SPTAN1: variants seen among roughly 807,000 people sequenced by gnomAD.
The protein encoded by SPTAN1 is spectrin alpha, non-erythrocytic 1, also known as spectrin alpha chain, non-erythrocytic 1.
In SPTAN1, 61 loss-of-function variants were observed where a neutral mutation model predicts 331.3. The observed-to-expected ratio is 0.18, with a 90% CI of 0.15 to 0.23. SPTAN1 has a LOEUF of 0.23. SPTAN1 is among the 10% of genes least tolerant of loss of function. The pLI, the probability that SPTAN1 is intolerant of heterozygous loss-of-function variation, is 1.00. For missense variants in SPTAN1, 2,043 were observed against 3,147.9 expected (o/e 0.65, Z 8.40); for synonymous variants, 1,153 against 1,173.9 (o/e 0.98, Z 0.36).
rs185728615 is a variant in SPTAN1 at position 128,628,053 on chromosome 9, G to A, written c.6707+111G>A. On this transcript the variant is annotated intron_variant, in intron 51 of 56. Coordinates refer to ENST00000372739, the MANE Select transcript of SPTAN1 (RefSeq NM_001130438.3). ...CGGGATGGGCCTTCCTGCCCAGGGC[G>A]GGCTGCACTTCCCCTCCCACCCTTC... The A allele has an allele frequency of 8.7e-4, 1,169 of 1,342,818 alleles. 3 individuals are homozygous for A. The highest frequency in any genetic ancestry group is 1.8e-3 in the South Asian group (156 of 85,506). 83.2% of individuals were successfully genotyped at this position (1,342,818 alleles called of 1,614,324 possible). A position where few individuals can be genotyped will look rare whatever the true frequency, so the allele number is the denominator to read the frequency against.
intron 1 of SPTAN1, among the ~76,000 whole-genome samples, chr9:128,562,844 G>A (rs990935950): frequency 3.3e-5 from 5 of 151,494 alleles, no homozygotes; most frequent in African/African-American, 4.8e-5. Context: ...AGGCGCCTGT[G>A]GTCCCAGCTA....
intron 26 of SPTAN1, 121 bp downstream of exon 26, chr9:128,599,107 G>T (rs1288942782): frequency 1.8e-5 from 18 of 976,462 alleles, no homozygotes. Context: ...TGCCTTTTGT[G>T]TGTAAAGATT....
chr9:128,568,567 G>A (rs1306773338), intron 2 of SPTAN1, among the ~76,000 whole-genome samples: 1 of 152,146 alleles, frequency 6.6e-6, no homozygotes, highest in African/African-American at 2.4e-5. Flanking sequence ...GATGGCCCTC[G>A]CTGGCCAGGC....
chr9:128,576,796 A>G (rs766045686), intron 5 of SPTAN1, 27 bp from the exon 6 acceptor site: 1 of 1,612,676 alleles, frequency 6.2e-7, no homozygotes, highest in South Asian at 1.1e-5. Flanking sequence ...TTGTGTACAA[A>G]TCCAGTCTCT....
intron 44 of SPTAN1, among the ~76,000 whole-genome samples, chr9:128,620,286 C>A (rs1488720762): frequency 6.6e-6 from 1 of 152,210 alleles, no homozygotes; most frequent in Non-Finnish European, 1.5e-5. Flanking sequence ...ACCTTCCTCA[C>A]CATGGGAAGC....
chr9:128,630,389 G>A lies in SPTAN1; in HGVS notation c.6762+14G>A. On this transcript the variant is annotated intron_variant, in intron 52 of 56. Transcript: ENST00000372739. ...GAAGCTACCAAAGTAAGTGCCCGTG[G>A]GGCTCTGGCCCAGCAGAGACCCTTC... 6.2e-7 allele frequency: 1 copy of A among 1,612,052 alleles called. No individual in the cohort carries two copies. Among genetic ancestry groups the A allele is most frequent in the Non-Finnish European group, 8.5e-7 (1 of 1,179,938 alleles).
At chr9:128,583,652 C>A (rs1010991561) in intron 15 of SPTAN1, 136 bp from the exon 16 acceptor site, 3 of 957,758 alleles carry the variant, frequency 3.1e-6, no homozygotes, top group African/African-American at 3.3e-5. Flanking sequence ...TTGATATTTT[C>A]TTTCTCTTTG....
At position 128,575,356 on chromosome 9, in the gene SPTAN1, A is replaced by G. The variant is rs753385129; in HGVS notation, c.651+11A>G. ...GCCAAACTCATACAGGTAAATAGCAAAGTGCTGTATGCTTCTCACAACATT... is the reference window on the plus strand; with the variant it reads ...GCCAAACTCATACAGGTAAATAGCAGAGTGCTGTATGCTTCTCACAACATT... On this transcript the variant is annotated intron_variant, in intron 5 of 56. Transcript: ENST00000372739. 3.7e-6 allele frequency: 6 copies of G among 1,609,244 alleles called. No homozygotes were observed. In the African/African-American group the frequency reaches 4.0e-5, roughly 11 times the overall value.
chr9:128,577,182 C>T lies in SPTAN1; in HGVS notation c.839C>T (p.Ser280Phe). 1.2e-6 allele frequency: 2 copies of T among 1,614,206 alleles called. No homozygotes were observed. The highest frequency in any genetic ancestry group is 8.5e-7 in the Non-Finnish European group (1 of 1,180,044). The change falls in exon 7 of 57, where the codon TCT (serine) becomes TTT (phenylalanine). Residue 280 changes from serine (S) to phenylalanine (F), a missense_variant. Coordinates refer to ENST00000372739, the MANE Select transcript of SPTAN1 (RefSeq NM_001130438.3). The surrounding 1 kb of genome is among the most constrained non-coding windows in gnomAD (Gnocchi z 4.2). ...WIKEKEQLMA[S>F]DDFGRDLASV... Reference sequence around the variant, plus strand: ...AAGGAAAAGGAGCAGTTAATGGCCTCTGATGATTTTGGCCGAGACCTGGCA... The same window carrying T: ...AAGGAAAAGGAGCAGTTAATGGCCTTTGATGATTTTGGCCGAGACCTGGCA...
chr9:128,558,488 G>C (rs974057239), intron 1 of SPTAN1, among the ~76,000 whole-genome samples: 6 of 152,220 alleles, frequency 3.9e-5, no homozygotes, highest in Admixed American at 1.3e-4. Context: ...ATCAGAGACA[G>C]TTGGCTCCTT....
In SPTAN1 at chr9:128,611,975, A is replaced by T; in HGVS notation, c.4905+130A>T. 13 of 1,600,742 alleles carry T rather than the reference A, an allele frequency of 8.1e-6. No individual in the cohort carries two copies. The South Asian group carries it at 1.4e-4, about 18-fold the overall frequency. On this transcript the variant is annotated intron_variant, in intron 38 of 56. Transcript: ENST00000372739. ...TAGAAGACTTTAGGCTGAATTACAG[A>T]TGGGGAATGCTAGTGAGAATGGCTC...
At chr9:128,618,836 T>C in intron 43 of SPTAN1, 35 bp from the exon 44 acceptor site, 1 of 1,614,056 alleles carries the variant, frequency 6.2e-7, no homozygotes, top group East Asian at 2.2e-5. Flanking sequence ...CTGGAGGAGA[T>C]TATGGCTGAT....
At chr9:128,557,522 A>G (rs1301243705) in intron 1 of SPTAN1, among the ~76,000 whole-genome samples, 1 of 152,062 alleles carries the variant, frequency 6.6e-6, no homozygotes, top group East Asian at 1.9e-4. Context: ...AGATAGAGCT[A>G]TATATCCCAT....
chr9:128,607,309 A>T (rs1384235713), intron 31 of SPTAN1, among the ~76,000 whole-genome samples: 1 of 152,076 alleles, frequency 6.6e-6, no homozygotes, highest in Non-Finnish European at 1.5e-5. Flanking sequence ...TGGCCAACAA[A>T]AGCTTTTTCA....
intron 21 of SPTAN1, among the ~76,000 whole-genome samples, chr9:128,591,256 C>T (rs192148384): frequency 2.9e-4 from 44 of 151,748 alleles, no homozygotes; most frequent in East Asian, 2.0e-4. Context: ...TTAGTAGAGA[C>T]GGGGTTTCAC....
In SPTAN1 at chr9:128,605,298, A is replaced by C. The variant is rs1309964396; in HGVS notation, c.3867A>C (p.Val1289=). The change falls in exon 31 of 57, where the codon GTA becomes GTC. Residue 1289 remains valine, a splice_region_variant and synonymous_variant. Transcript: ENST00000372739. ...ERDLAALGDK[V]NSLGETAERL... is the part of the protein sequence containing the mutation. ...CATTCACCACTTTCTTCCCATAGGTAAACTCCCTTGGTGAAACAGCAGAGC... is the reference window on the plus strand; with the variant it reads ...CATTCACCACTTTCTTCCCATAGGTCAACTCCCTTGGTGAAACAGCAGAGC... 3 of 1,614,082 alleles carry C rather than the reference A, an allele frequency of 1.9e-6. No individual in the cohort carries two copies. Among genetic ancestry groups the C allele is most frequent in the Admixed American group, 1.7e-5 (1 of 60,000 alleles).
intron 24 of SPTAN1, among the ~76,000 whole-genome samples, chr9:128,594,657 C>A (rs1284113737): frequency 6.6e-6 from 1 of 151,720 alleles, no homozygotes; most frequent in Non-Finnish European, 1.5e-5. Context: ...GTCTCAAACT[C>A]CTGACCTCAG....
intron 31 of SPTAN1, among the ~76,000 whole-genome samples, chr9:128,605,995 A>C (rs1175363282): frequency 2.5e-4 from 38 of 149,362 alleles, no homozygotes; most frequent in Non-Finnish European, 5.1e-4. Context: ...TCCATCTCAA[A>C]AAAAAAAAAA....
Position 128,627,698 on chromosome 9 carries a change from T to TC in SPTAN1, c.6689+203dup. On this transcript the variant is annotated intron_variant, in intron 50 of 56. Coordinates refer to ENST00000372739, the MANE Select transcript of SPTAN1 (RefSeq NM_001130438.3). The surrounding 1 kb of genome is among the most constrained non-coding windows in gnomAD (Gnocchi z 4.9). Reference sequence around the variant, plus strand: ...TGGAGCAGCCTCTCAGTGCTGCATGTCCCAGACATCAAGTTGTTAGAGATC... The same window carrying TC: ...TGGAGCAGCCTCTCAGTGCTGCATGTCCCCAGACATCAAGTTGTTAGAGATC... 1 of 783,116 alleles carries TC rather than the reference T, an allele frequency of 1.3e-6. No individual in the cohort carries two copies. The highest frequency in any genetic ancestry group is 1.7e-5 in the African/African-American group (1 of 59,350). The allele number at this position is 783,116 out of a possible 1,614,324, so 48.5% of individuals were successfully genotyped here. A position where few individuals can be genotyped will look rare whatever the true frequency, so the allele number is the denominator to read the frequency against.
Sources: gnomAD v4.1 joint callset for allele counts (sites outside exome capture counted in the v4.1 genomes callset) on GRCh38, gnomAD v4.1.1 for gene constraint, Gnocchi (gnomAD v3.1) non-coding constraint, MANE v1.5 for transcripts, NCBI Gene and HGNC (gene_info 2026-07-23, HGNC 2026-07-21) for gene names.